The following GRIP1 variants were observed in gnomAD, a reference collection of about 807,000 sequenced individuals.
GRIP1 encodes glutamate receptor interacting protein 1, also known as glutamate receptor-interacting protein 1.
GRIP1 carries 45 observed loss-of-function variants against 129.9 expected under a neutral mutation model. That is an observed-to-expected ratio of 0.35 (90% CI 0.27 to 0.44). The LOEUF (loss-of-function observed/expected upper bound fraction) is 0.44, where lower values mean the gene tolerates loss of function less well. GRIP1 is among the 20% of genes least tolerant of loss of function. The pLI is 1.00. For missense variants in GRIP1, 1,196 were observed against 1,396.8 expected, an observed-to-expected ratio of 0.86 and a Z score of 2.29; for synonymous variants, 530 against 520.8, an observed-to-expected ratio of 1.02 and a Z score of -0.24.
intron 7 of GRIP1, among the ~76,000 whole-genome samples, chr12:66,474,185 C>A (rs137964556): frequency 1.3e-5 from 2 of 151,698 alleles, no homozygotes; most frequent in African/African-American, 4.8e-5. Context: ...GTGAAGCATA[C>A]GGAAGTATCA....
chr12:66,624,365 AT>A (rs2065396529), intron 1 of GRIP1, among the ~76,000 whole-genome samples: 1 of 152,184 alleles, frequency 6.6e-6, no homozygotes, highest in East Asian at 1.9e-4. Context: ...TCACGTCAAA[AT>A]GTGTAATAGG....
At chr12:66,548,201 A>G (rs143592049) in intron 2 of GRIP1, among the ~76,000 whole-genome samples, 1 of 152,310 alleles carries the variant, frequency 6.6e-6, no homozygotes, top group East Asian at 1.9e-4. Flanking sequence ...AGTTGTTAGG[A>G]TAAAATATGA....
At chr12:66,934,382 G>T (rs2041450217) in intron 1 of GRIP1, among the ~76,000 whole-genome samples, 1 of 152,112 alleles carries the variant, frequency 6.6e-6, no homozygotes, top group Non-Finnish European at 1.5e-5. Flanking sequence ...ACTCCCTGGG[G>T]TTCGTTTAAG....
chr12:66,924,993 G>A (rs1041122896), intron 1 of GRIP1, among the ~76,000 whole-genome samples: 12 of 151,980 alleles, frequency 7.9e-5, no homozygotes, highest in African/African-American at 2.2e-4. Flanking sequence ...AATTAAGAGA[G>A]CAAGATAAGA....
chr12:66,811,515 T>C (rs1566034947), intron 1 of GRIP1, among the ~76,000 whole-genome samples: 1 of 152,220 alleles, frequency 6.6e-6, no homozygotes, highest in East Asian at 1.9e-4. Flanking sequence ...GGAATCTATT[T>C]AAGCTCAATG....
rs549783937 is a variant in GRIP1, at chr12:66,392,283, T to G, written c.2464+25A>C. On this transcript the variant is annotated intron_variant, in intron 19 of 24. Transcript: ENST00000359742. ...CATGGGCTTCAACAATGACAAGTCC[T>G]CTGGGGGACAAAGTAAAGACATACC... The G allele has an allele frequency of 2.2e-6, 3 of 1,382,014 alleles. No homozygotes were observed. The African/African-American group carries it at 4.2e-5, about 19-fold the overall frequency. The allele number at this position is 1,382,014 out of a possible 1,614,324, so 85.6% of individuals were successfully genotyped here. A position where few individuals can be genotyped will look rare whatever the true frequency, so the allele number is the denominator to read the frequency against.
At chr12:66,864,063 C>A (rs2040158555) in intron 1 of GRIP1, among the ~76,000 whole-genome samples, 1 of 152,126 alleles carries the variant, frequency 6.6e-6, no homozygotes, top group Non-Finnish European at 1.5e-5. Context: ...ATCACATGAA[C>A]CATCTCCACC....
intron 11 of GRIP1, among the ~76,000 whole-genome samples, chr12:66,447,017 C>A (rs923720317): frequency 6.6e-6 from 1 of 152,152 alleles, no homozygotes; most frequent in Admixed American, 6.5e-5. Flanking sequence ...ATTTTTCCCC[C>A]TTAAAATGAA....
chr12:66,914,174 G>C (rs1040724614), intron 1 of GRIP1, among the ~76,000 whole-genome samples: 1 of 152,090 alleles, frequency 6.6e-6, no homozygotes, highest in Non-Finnish European at 1.5e-5. Flanking sequence ...ATTCTGGGAA[G>C]GTAATTGTTT....
chr12:66,991,290 T>C (rs990094016), intron 1 of GRIP1, among the ~76,000 whole-genome samples: 1 of 152,074 alleles, frequency 6.6e-6, no homozygotes, highest in African/African-American at 2.4e-5. Context: ...AAGGACAAAC[T>C]ATTTAATGAA....
chr12:66,892,885 G>A (rs963528782), intron 1 of GRIP1, among the ~76,000 whole-genome samples: 3 of 152,012 alleles, frequency 2.0e-5, no homozygotes, highest in Admixed American at 2.0e-4. Context: ...GAGGATTGCT[G>A]GAGCCTAGGA....
At chr12:66,836,601 AC>A (rs2137034910) in intron 1 of GRIP1, among the ~76,000 whole-genome samples, 1 of 152,328 alleles carries the variant, frequency 6.6e-6, no homozygotes, top group Non-Finnish European at 1.5e-5. Flanking sequence ...CTCTAGGCTT[AC>A]ACATATCTTT....
chr12:66,886,400 A>G lies in GRIP1; in HGVS notation c.58+182650T>C, dbSNP rs187341417. Among the ~76,000 whole-genome samples the G allele has an allele frequency of 5.3e-5, 8 of 152,334 alleles. No homozygotes were observed. The East Asian group carries it at 1.3e-3, about 26-fold the overall frequency. On this transcript the variant is annotated intron_variant, in intron 1 of 1. Transcript: ENST00000643019. Reference sequence around the variant, plus strand: ...GTGCATTATAATTGATAAATTAACAATGATCTCATATCTTGGAATGTTCCT... The same window carrying G: ...GTGCATTATAATTGATAAATTAACAGTGATCTCATATCTTGGAATGTTCCT...
intron 1 of GRIP1, among the ~76,000 whole-genome samples, chr12:67,049,553 G>T (rs2043307939): frequency 6.6e-6 from 1 of 152,108 alleles, no homozygotes; most frequent in Non-Finnish European, 1.5e-5. Context: ...ACACACCAGG[G>T]CCTGTCAGGG....
At chr12:66,757,020 C>T (rs1294853308) in intron 1 of GRIP1, among the ~76,000 whole-genome samples, 2 of 152,144 alleles carry the variant, frequency 1.3e-5, no homozygotes, top group African/African-American at 4.8e-5. Flanking sequence ...TTGATAAAGG[C>T]ATATAGGGAC....
At chr12:66,435,681 A>G (rs1466864385) in intron 13 of GRIP1, among the ~76,000 whole-genome samples, 2 of 152,206 alleles carry the variant, frequency 1.3e-5, no homozygotes, top group African/African-American at 2.4e-5. Context: ...CTGTTCTAGA[A>G]TAGTTACTAC....
chr12:66,370,314 G>C (rs1250691935), intron 23 of GRIP1, among the ~76,000 whole-genome samples: 1 of 152,198 alleles, frequency 6.6e-6, no homozygotes, highest in Non-Finnish European at 1.5e-5. Flanking sequence ...CTGGGGAGTT[G>C]TAATACGTTC....
rs183735204 is a variant in GRIP1, at chr12:67,043,405, T to C, written c.58+25645A>G. Among the ~76,000 whole-genome samples the C allele has an allele frequency of 1.8e-3, 267 of 152,300 alleles. 1 individual carries two copies. Among genetic ancestry groups the C allele is most frequent in the African/African-American group, 6.2e-3 (259 of 41,574 alleles). On this transcript the variant is annotated intron_variant, in intron 1 of 1. Coordinates refer to the GRIP1 transcript ENST00000643019. ...CAGCCCTCAAATATCATTTTTCTTC[T>C]GAGACCGCAAAAGTGATCTACAGCT... is the stretch of plus-strand genomic sequence containing the variant.
At chr12:66,771,292 T>G (rs570212966) in intron 1 of GRIP1, among the ~76,000 whole-genome samples, 9 of 152,316 alleles carry the variant, frequency 5.9e-5, no homozygotes, top group African/African-American at 2.2e-4. Context: ...CATTATTACA[T>G]TTTTCCAACC....
Sources: gnomAD v4.1 joint callset for allele counts (sites outside exome capture counted in the v4.1 genomes callset) on GRCh38, gnomAD v4.1.1 for gene constraint, MANE v1.5 for transcripts, NCBI Gene and HGNC (gene_info 2026-07-23, HGNC 2026-07-21) for gene names.